The following NSF variants were observed in gnomAD, a reference collection of about 807,000 sequenced individuals.
NSF encodes N-ethylmaleimide sensitive factor, vesicle fusing ATPase, also known as vesicle-fusing ATPase.
Under a neutral mutation model 50.3 loss-of-function variants are expected in NSF, and 14 were observed. The observed-to-expected ratio is 0.28, with a 90% CI of 0.18 to 0.44. The LOEUF (loss-of-function observed/expected upper bound fraction) is 0.44. NSF is among the 20% of genes least tolerant of loss of function. The pLI is 1.00. For missense variants in NSF, 218 were observed against 504.3 expected (o/e 0.43, Z 5.44); for synonymous variants, 109 against 175.7 (o/e 0.62, Z 3.00).
At chr17:46,736,595 A>G (rs1022164245) in intron 17 of NSF, among the ~76,000 whole-genome samples, 2 of 152,180 alleles carry the variant, frequency 1.3e-5, no homozygotes, top group African/African-American at 2.4e-5. Flanking sequence ...TACAATAAGC[A>G]TATGTTACTT....
intron 15 of NSF, among the ~76,000 whole-genome samples, chr17:46,716,341 C>T (rs1029503121): frequency 2.0e-5 from 3 of 151,418 alleles, no homozygotes; most frequent in African/African-American, 7.3e-5. Context: ...ACTGCAAGCT[C>T]CACCTCCCGG....
intron 9 of NSF, among the ~76,000 whole-genome samples, chr17:46,684,488 C>A (rs2058477519): frequency 6.6e-6 from 1 of 152,040 alleles, no homozygotes; most frequent in Non-Finnish European, 1.5e-5. Flanking sequence ...AATGGTATTT[C>A]TGGTTCTGGA....
rs9903452 is a variant in NSF at position 46,725,017 on chromosome 17, A to G, written c.1762-1532A>G. The stretch of plus-strand genomic sequence containing the variant: ...AAATACTTCTTAATTACTCTCTAAT[A>G]AGGCATTATATTAAATGATATGAGG... On this transcript the variant is annotated intron_variant, in intron 15 of 20. Coordinates refer to ENST00000398238, the MANE Select transcript of NSF (RefSeq NM_006178.4). Among the ~76,000 whole-genome samples the G allele has an allele frequency of 3.5e-3, 526 of 152,316 alleles. 4 individuals are homozygous for G. Among genetic ancestry groups the G allele is most frequent in the African/African-American group, 0.012 (504 of 41,582 alleles).
At chr17:46,723,872 A>G (rs2058858108) in intron 15 of NSF, among the ~76,000 whole-genome samples, 1 of 152,200 alleles carries the variant, frequency 6.6e-6, no homozygotes. Flanking sequence ...AATGTTTCTA[A>G]AACATAAGCC....
intron 15 of NSF, among the ~76,000 whole-genome samples, chr17:46,720,197 A>T (rs779902133): frequency 6.6e-6 from 1 of 152,204 alleles, no homozygotes; most frequent in Non-Finnish European, 1.5e-5. Context: ...GATTTGTTGA[A>T]GTTTTTGCAT....
At chr17:46,728,128 T>C (rs2058910182) in intron 16 of NSF, among the ~76,000 whole-genome samples, 1 of 152,196 alleles carries the variant, frequency 6.6e-6, no homozygotes, top group South Asian at 2.1e-4. Context: ...ATATGCAGTA[T>C]GCAGAGAAAG....
At chr17:46,721,291 G>C (rs1242867542) in intron 15 of NSF, among the ~76,000 whole-genome samples, 4 of 152,074 alleles carry the variant, frequency 2.6e-5, no homozygotes, top group Non-Finnish European at 5.9e-5. Context: ...TGGACATAAC[G>C]GGCTTCTGTG....
At position 46,717,132 on chromosome 17, in the gene NSF, A is replaced by G. The variant is rs2058780344; in HGVS notation, c.1761+3146A>G. 2.0e-5 allele frequency among the ~76,000 whole-genome samples: 3 copies of G among 152,230 alleles called. No individual in the cohort carries two copies. In the South Asian group the frequency reaches 6.2e-4, roughly 31 times the overall value. On this transcript the variant is annotated intron_variant, in intron 15 of 20. Transcript: ENST00000398238. ...TGAATGGATAAAGAAAATGTGACAC[A>G]TATACACTGTGGACTGTAACACAGC...
At chr17:46,752,350 ACCTC>A (rs2059189401) in intron 19 of NSF, among the ~76,000 whole-genome samples, 1 of 151,946 alleles carries the variant, frequency 6.6e-6, no homozygotes. Context: ...GCTGATAAAT[ACCTC>A]CCTATCAAGC....
intron 17 of NSF, among the ~76,000 whole-genome samples, chr17:46,732,919 G>A (rs896750547): frequency 1.3e-5 from 2 of 152,222 alleles, no homozygotes; most frequent in Admixed American, 1.3e-4. Context: ...TCTACATGCA[G>A]AGTCACACAA....
chr17:46,721,499 A>C, intron 15 of NSF: 1 of 849,064 alleles, frequency 1.2e-6, no homozygotes, highest in Non-Finnish European at 1.9e-6. Context: ...GTTCTACAGG[A>C]AACTTCATAA....
chr17:46,755,687 G>T, intron 20 of NSF, 115 bp from the exon 21 acceptor site: 2 of 1,169,468 alleles, frequency 1.7e-6, no homozygotes, highest in East Asian at 2.5e-5. Flanking sequence ...ATGCATAGTG[G>T]GAAATGTAGG....
intron 20 of NSF, 43 bp from the exon 21 acceptor site, chr17:46,755,759 G>A (rs1221913381): frequency 2.0e-6 from 3 of 1,530,748 alleles, no homozygotes; most frequent in East Asian, 2.3e-5. Context: ...AGTTTTTTAC[G>A]GACCCTCATC....
chr17:46,715,981 T>A (rs2058764773), intron 15 of NSF, among the ~76,000 whole-genome samples: 1 of 152,212 alleles, frequency 6.6e-6, no homozygotes, highest in East Asian at 1.9e-4. Context: ...ATATTAGAAT[T>A]TTTGGTTTTC....
At position 46,673,962 on chromosome 17, in the gene NSF, TATATG is replaced by T. The variant is rs1181860951; in HGVS notation, c.746-447_746-443del. Among the ~76,000 whole-genome samples the T allele has an allele frequency of 1.3e-4, 2 of 15,686 alleles. 1 individual carries two copies. The highest frequency in any genetic ancestry group is 2.9e-4 in the African/African-American group (2 of 6,916). The allele number at this position is 15,686 out of a possible 152,430, so 10.3% of individuals were successfully genotyped here. On this transcript the variant is annotated intron_variant, in intron 8 of 20. Coordinates refer to ENST00000398238, the MANE Select transcript of NSF (RefSeq NM_006178.4). The stretch of plus-strand genomic sequence containing the variant: ...GTGTGTGTGTGTGTGTGTATACACA[TATATG>T]ATATATAATAATTATATATAATTTA...
rs369906517 is a variant in NSF, at chr17:46,680,226, T to C, written c.945+5613T>C. 4.6e-5 allele frequency among the ~76,000 whole-genome samples: 7 copies of C among 151,104 alleles called. No individual in the cohort carries two copies. The East Asian group carries it at 1.2e-3, about 25-fold the overall frequency. ...AATGAAGATTTACTTTTATCACATA[T>C]CAAGACTTACTAGAAAGCAATAGTA... On this transcript the variant is annotated intron_variant, in intron 9 of 20. Coordinates refer to ENST00000398238, the MANE Select transcript of NSF (RefSeq NM_006178.4).
At chr17:46,709,947 G>C (rs538628) in intron 13 of NSF, among the ~76,000 whole-genome samples, 22,483 of 152,106 alleles carry the variant, frequency 0.15, 1,965 homozygotes, top group Non-Finnish European at 0.2. Context: ...AAGAGACTAC[G>C]TAAAAAGTGG....
intron 17 of NSF, among the ~76,000 whole-genome samples, chr17:46,746,501 G>A (rs2059130580): frequency 6.6e-6 from 1 of 152,150 alleles, no homozygotes; most frequent in Admixed American, 6.5e-5. Context: ...TTTCCCGATA[G>A]CCCATTTATT....
chr17:46,746,428 T>C (rs999678011), intron 17 of NSF, among the ~76,000 whole-genome samples: 3 of 152,216 alleles, frequency 2.0e-5, no homozygotes, highest in Admixed American at 6.5e-5. Context: ...ATGTGTCTTA[T>C]TGACAGTAGT....
Sources: gnomAD v4.1 joint callset for allele counts (sites outside exome capture counted in the v4.1 genomes callset) on GRCh38, gnomAD v4.1.1 for gene constraint, MANE v1.5 for transcripts, NCBI Gene and HGNC (gene_info 2026-07-23, HGNC 2026-07-21) for gene names.